The following EIF3J variants were observed in gnomAD, a reference collection of about 807,000 sequenced individuals.
EIF3J encodes eukaryotic translation initiation factor 3 subunit J.
A neutral mutation model predicts 39.0 loss-of-function variants in EIF3J; 15 were observed. The observed-to-expected ratio is 0.38, with a 90% CI of 0.26 to 0.59. The LOEUF (loss-of-function observed/expected upper bound fraction) is 0.59. EIF3J is among the 20% of genes least tolerant of loss of function. The probability of loss-of-function intolerance (pLI) is 0.60; values close to 1 mark genes in which losing one functional copy is unlikely to be tolerated. For missense variants in EIF3J, 226 were observed against 308.6 expected, an observed-to-expected ratio of 0.73 and a Z score of 2.00; for synonymous variants, 98 against 112.9, an observed-to-expected ratio of 0.87 and a Z score of 0.84.
chr15:44,561,257 G>GT lies in EIF3J; in HGVS notation c.*109dup. ...GCCAAATGCTACAATCAGAAGTGCAGTATCTTTTGTGCTGGTTATTTAACC... is the reference window on the plus strand; with the variant it reads ...GCCAAATGCTACAATCAGAAGTGCAGTTATCTTTTGTGCTGGTTATTTAACC... On this transcript the variant is annotated 3_prime_UTR_variant, in exon 8 of 8. Coordinates refer to ENST00000261868, the MANE Select transcript of EIF3J (RefSeq NM_003758.4). The GT allele has an allele frequency of 7.5e-7, 1 of 1,330,428 alleles. No individual in the cohort carries two copies. The highest frequency in any genetic ancestry group is 1.0e-6 in the Non-Finnish European group (1 of 978,834). 82.4% of individuals were successfully genotyped at this position (1,330,428 alleles called of 1,614,324 possible).
At chr15:44,553,369 G>A (rs973628473) in intron 4 of EIF3J, among the ~76,000 whole-genome samples, 1 of 152,020 alleles carries the variant, frequency 6.6e-6, no homozygotes, top group Non-Finnish European at 1.5e-5. Flanking sequence ...GCGGGCGCCT[G>A]TAGTCCCAGC....
At position 44,537,368 on chromosome 15, in the gene EIF3J, G is replaced by A. The variant is rs1037023018; in HGVS notation, c.88G>A (p.Gly30Ser). The change falls in exon 2 of 8, where the codon GGC becomes AGC. Residue 30 changes from glycine (G) to serine (S), a missense_variant. Transcript: ENST00000261868. ...GGAAGACCCAGTGCGGAAGGTGGGG[G>A]GCGGCGGCACTGCCGGCGGGGACCG... ...SVEDPVRKVGGGGTAGGDRWE... is the reference protein window; with the variant it reads ...SVEDPVRKVGSGGTAGGDRWE... The A allele has an allele frequency of 6.4e-7, 1 of 1,568,756 alleles. No individual in the cohort carries two copies. Among genetic ancestry groups the A allele is most frequent in the Admixed American group, 1.9e-5 (1 of 53,200 alleles).
chr15:44,538,942 T>A (rs1252987479), intron 2 of EIF3J, among the ~76,000 whole-genome samples: 1 of 152,140 alleles, frequency 6.6e-6, no homozygotes, highest in Non-Finnish European at 1.5e-5. Context: ...AATGAAGTTT[T>A]AATGGATAGT....
At chr15:44,559,938 A>G (rs1055105316) in intron 6 of EIF3J, among the ~76,000 whole-genome samples, 3 of 151,818 alleles carry the variant, frequency 2.0e-5, no homozygotes, top group Admixed American at 6.6e-5. Context: ...TTTTCAAGAG[A>G]CAGGGTCTAG....
chr15:44,544,187 G>A (rs148726474), intron 2 of EIF3J, among the ~76,000 whole-genome samples: 3,000 of 147,960 alleles, frequency 0.02, 35 homozygotes, highest in Middle Eastern at 0.031. Flanking sequence ...TCTGCCTCCC[G>A]GGTTCAAAGT....
Position 44,539,427 on chromosome 15 carries a change from A to G in EIF3J, c.147+2000A>G, listed in dbSNP as rs1271775281. Among the ~76,000 whole-genome samples the G allele has an allele frequency of 4.0e-5, 6 of 149,624 alleles. No homozygotes were observed. In the East Asian group the frequency reaches 1.2e-3, roughly 30 times the overall value. The stretch of plus-strand genomic sequence containing the variant: ...TGTCCAGTTGCTCTTTTTTTTTTGG[A>G]AATGGAGTCTCGCTCTGTCACCCAG... On this transcript the variant is annotated intron_variant, in intron 2 of 7. Coordinates refer to ENST00000261868, the MANE Select transcript of EIF3J (RefSeq NM_003758.4).
At chr15:44,550,663 A>G (rs906433145) in intron 2 of EIF3J, 2 of 433,674 alleles carry the variant, frequency 4.6e-6, no homozygotes, top group South Asian at 8.4e-5. Context: ...GAAAGGTACA[A>G]AAATGTACTT....
At chr15:44,547,541 C>G (rs1483158902) in intron 2 of EIF3J, among the ~76,000 whole-genome samples, 2 of 151,228 alleles carry the variant, frequency 1.3e-5, no homozygotes, top group Admixed American at 1.3e-4. Context: ...CCTCCCACTC[C>G]TGGGTTCAAG....
intron 4 of EIF3J, among the ~76,000 whole-genome samples, chr15:44,553,201 AG>A (rs1173506067): frequency 1.3e-5 from 2 of 151,832 alleles, no homozygotes; most frequent in Non-Finnish European, 2.9e-5. Flanking sequence ...AAAAAAAAAA[AG>A]AAGAAAACGG....
In EIF3J at chr15:44,544,101, T is replaced by TTC. The variant is rs571731578; in HGVS notation, c.147+6675_147+6676insCT. 3.8e-3 allele frequency among the ~76,000 whole-genome samples: 568 copies of TTC among 147,908 alleles called. 6 individuals carry two copies. The highest frequency in any genetic ancestry group is 9.5e-3 in the South Asian group (44 of 4,630). On this transcript the variant is annotated intron_variant, in intron 2 of 7. Coordinates refer to ENST00000261868, the MANE Select transcript of EIF3J (RefSeq NM_003758.4). ...CTTTTTTCTTTTCTTTTCTTTTCTT[T>TTC]TTTTTTTTTTTAGACGGAGGCCTTC...
chr15:44,549,104 G>T (rs2082077068), intron 2 of EIF3J, among the ~76,000 whole-genome samples: 1 of 152,024 alleles, frequency 6.6e-6, no homozygotes, highest in Non-Finnish European at 1.5e-5. Context: ...TGTAAGAAAA[G>T]ACTTTCTGGC....
rs767569357 is a variant in EIF3J at position 44,551,560 on chromosome 15, G to A, written c.294+38G>A. On this transcript the variant is annotated intron_variant, in intron 4 of 7. Coordinates refer to ENST00000261868, the MANE Select transcript of EIF3J (RefSeq NM_003758.4). ...TTCTAAAATACAGAATTCTCACATC[G>A]GTAGTGGTATAGTTTCTAACAGGCT... The A allele has an allele frequency of 6.1e-6, 9 of 1,473,370 alleles. No homozygotes were observed. The Admixed American group carries it at 1.0e-4, about 17-fold the overall frequency. 91.3% of individuals were successfully genotyped at this position (1,473,370 alleles called of 1,614,324 possible). A position where few individuals can be genotyped will look rare whatever the true frequency, so the allele number is the denominator to read the frequency against.
In EIF3J at chr15:44,550,613, C is replaced by T. The variant is rs557528444; in HGVS notation, c.148-263C>T. The T allele has an allele frequency of 2.6e-5, 7 of 267,018 alleles. No homozygotes were observed. The South Asian group carries it at 3.4e-4, about 13-fold the overall frequency. The allele number at this position is 267,018 out of a possible 1,614,324, so 16.5% of individuals were successfully genotyped here. The stretch of plus-strand genomic sequence containing the variant: ...TTAGGAATAAATCTAAAGAGAAATG[C>T]GCAGAGCCTCTAATAGGGAAATCAC... On this transcript the variant is annotated intron_variant, in intron 2 of 7. Transcript: ENST00000261868.
intron 2 of EIF3J, among the ~76,000 whole-genome samples, 186 bp downstream of exon 2, chr15:44,537,613 C>A (rs1209898270): frequency 2.6e-5 from 4 of 152,208 alleles, no homozygotes; most frequent in Non-Finnish European, 5.9e-5. Context: ...AGCGTGGCCT[C>A]CCGGACTCCC....
chr15:44,544,374 A>G (rs1847181646), intron 2 of EIF3J, among the ~76,000 whole-genome samples: 3 of 148,798 alleles, frequency 2.0e-5, no homozygotes, highest in Admixed American at 2.0e-4. Context: ...TTGGGATTAC[A>G]GGCGTGAGCC....
At chr15:44,551,822 G>C (rs1326575816) in intron 4 of EIF3J, among the ~76,000 whole-genome samples, 4 of 150,590 alleles carry the variant, frequency 2.7e-5, no homozygotes, top group Non-Finnish European at 5.9e-5. Context: ...ATTAGTTTTT[G>C]TTGTTGTTTT....
chr15:44,539,059 T>C (rs1259610555), intron 2 of EIF3J, among the ~76,000 whole-genome samples: 1 of 149,292 alleles, frequency 6.7e-6, no homozygotes, highest in African/African-American at 2.5e-5. Flanking sequence ...GGAGTTTCGC[T>C]CTTGTTGCCC....
intron 2 of EIF3J, among the ~76,000 whole-genome samples, chr15:44,549,420 CAAAA>C (rs994076114): frequency 8.6e-5 from 13 of 151,560 alleles, no homozygotes; most frequent in Admixed American, 2.6e-4. Context: ...AACAAAACAA[CAAAA>C]AAACAAGAAA....
At position 44,537,211 on chromosome 15, in the gene EIF3J, C is replaced by T. The variant is rs539807309; in HGVS notation, c.17C>T (p.Ala6Val). Reference protein sequence around the residue: MAAAAAAAGDSDSWDA... With the variant: MAAAAVAAGDSDSWDA... ...CGGCTCGAGATGGCGGCGGCGGCGG[C>T]GGCGGCGGGGGACTCGGACTCCTGG... The change falls in exon 1 of 8, where the codon GCG becomes GTG. Residue 6 changes from alanine to valine, a missense_variant. Physicochemically the swap from Ala to Val is moderately conservative, Grantham distance 64 (BLOSUM62 0). Around this residue, in one of 2 missense-constraint regions of EIF3J, gnomAD observed 143 missense variants for 156.0 expected, o/e 0.92. Coordinates refer to ENST00000261868, the MANE Select transcript of EIF3J (RefSeq NM_003758.4). 3 of 1,605,350 alleles carry T rather than the reference C, an allele frequency of 1.9e-6. No homozygotes were observed. The highest frequency in any genetic ancestry group is 1.3e-5 in the African/African-American group (1 of 74,610).
Sources: gnomAD v4.1 joint callset for allele counts (sites outside exome capture counted in the v4.1 genomes callset) on GRCh38, gnomAD v4.1.1 for gene constraint, gnomAD v4.1.1 regional missense constraint, MANE v1.5 for transcripts, NCBI Gene and HGNC (gene_info 2026-07-23, HGNC 2026-07-21) for gene names.